Variants in RNF14 observed in about 807,000 individuals in gnomAD.
RNF14 encodes the protein E3 ubiquitin-protein ligase RNF14.
In RNF14, 26 loss-of-function variants were observed where a neutral mutation model predicts 52.6. The observed-to-expected ratio is 0.49, with a 90% confidence interval of 0.36 to 0.69. The LOEUF (loss-of-function observed/expected upper bound fraction) is 0.69, where lower values mean the gene tolerates loss of function less well. Ranked by LOEUF, RNF14 falls within the 30% of genes least tolerant of loss-of-function variation. RNF14 has a pLI of 0.00. For synonymous variants in RNF14, 194 were observed against 202.0 expected (o/e 0.96, Z 0.34); for missense variants, 404 against 560.4 (o/e 0.72, Z 2.82).
At chr5:141,981,851 CAA>C (rs948599356) in intron 6 of RNF14, among the ~76,000 whole-genome samples, 18 of 108,456 alleles carry the variant, frequency 1.7e-4, no homozygotes, top group Non-Finnish European at 2.0e-4. Flanking sequence ...GACCCTGTCT[CAA>C]AAAAAAAAAA....
chr5:141,971,044 C>T (rs914116020), intron 2 of RNF14, among the ~76,000 whole-genome samples, 167 bp downstream of exon 2: 1 of 152,052 alleles, frequency 6.6e-6, no homozygotes, highest in Non-Finnish European at 1.5e-5. Context: ...TAACTTTTTA[C>T]TTATGTACAT....
intron 6 of RNF14, 35 bp downstream of exon 6, chr5:141,980,386 C>A (rs751696146): frequency 3.4e-6 from 5 of 1,481,824 alleles, no homozygotes; most frequent in Non-Finnish European, 4.7e-6. Context: ...CCCCCATCCC[C>A]AGTCTCTCCC....
chr5:141,960,873 T>C (rs1279075443), intron 1 of RNF14, among the ~76,000 whole-genome samples: 2 of 152,086 alleles, frequency 1.3e-5, no homozygotes, highest in Admixed American at 6.5e-5. Flanking sequence ...AGGGGAGCTT[T>C]GATGCAGAAA....
At chr5:141,962,987 G>C (rs780059706), upstream of RNF14, 1 of 152,166 alleles carries the variant, frequency 6.6e-6, no homozygotes, top group Non-Finnish European at 1.5e-5. Context: ...CCATTGCAAA[G>C]GCCAAACTCT....
upstream of RNF14, chr5:141,956,046 G>C: frequency 6.2e-7 from 1 of 1,614,138 alleles, no homozygotes; most frequent in Non-Finnish European, 8.5e-7. Flanking sequence ...GTGTGTCAGT[G>C]CCCGCTGGGC....
chr5:141,984,424 C>A (rs543661601), intron 7 of RNF14, among the ~76,000 whole-genome samples: 2 of 152,188 alleles, frequency 1.3e-5, no homozygotes, highest in African/African-American at 4.8e-5. Context: ...CATACCTTAG[C>A]CCTATGACAG....
upstream of RNF14, chr5:141,956,863 T>C (rs772833843): frequency 3.7e-6 from 6 of 1,614,092 alleles, no homozygotes; most frequent in South Asian, 6.6e-5. Context: ...TGGGATAGGA[T>C]TGGGACCCAG....
chr5:141,965,308 C>G (rs1423325820), upstream of RNF14, among the ~76,000 whole-genome samples: 1 of 152,122 alleles, frequency 6.6e-6, no homozygotes, highest in Admixed American at 6.5e-5. Flanking sequence ...AGTGACAAGC[C>G]ATAGTTTGTG....
intron 4 of RNF14, among the ~76,000 whole-genome samples, chr5:141,977,204 A>G (rs1404707544): frequency 1.3e-5 from 2 of 152,240 alleles, no homozygotes; most frequent in Admixed American, 1.3e-4. Context: ...TATTTATCAC[A>G]TTTTACAGAT....
chr5:141,965,233 C>G (rs990566629), upstream of RNF14, among the ~76,000 whole-genome samples: 4 of 152,172 alleles, frequency 2.6e-5, no homozygotes, highest in Non-Finnish European at 5.9e-5. Context: ...AGTTTCGGGA[C>G]AGCTACCAGA....
chr5:141,968,622 AAG>A (rs1753446130), upstream of RNF14, among the ~76,000 whole-genome samples: 1 of 152,226 alleles, frequency 6.6e-6, no homozygotes, highest in Admixed American at 6.5e-5. Flanking sequence ...GATTACAGTG[AAG>A]ATAGAAAATT....
At chr5:141,986,747 A>C (rs1360350356) in intron 8 of RNF14, among the ~76,000 whole-genome samples, 1 of 152,240 alleles carries the variant, frequency 6.6e-6, no homozygotes, top group Non-Finnish European at 1.5e-5. Flanking sequence ...CAGACACTCT[A>C]AGGATGGGAA....
the RNF14 span, among the ~76,000 whole-genome samples, chr5:141,950,407 G>T: frequency 6.6e-6 from 1 of 152,142 alleles, no homozygotes; most frequent in African/African-American, 2.4e-5. Flanking sequence ...CAAGTGTGTG[G>T]GTGATAATGA....
intron 2 of RNF14, among the ~76,000 whole-genome samples, chr5:141,971,348 C>T (rs981245747): frequency 2.0e-5 from 3 of 151,472 alleles, no homozygotes; most frequent in African/African-American, 2.4e-5. Context: ...CTCAAGCGAT[C>T]CTCCTGCCAC....
Position 141,990,032 on chromosome 5 carries a change from A to G in RNF14, c.*2242A>G, listed in dbSNP as rs2127078186. 6.6e-6 allele frequency: 1 copy of G among 152,278 alleles called. No individual in the cohort carries two copies. Among genetic ancestry groups the G allele is most frequent in the South Asian group, 2.1e-4 (1 of 4,824 alleles). The allele number at this position is 152,278 out of a possible 1,614,324, so 9.4% of individuals were successfully genotyped here. On this transcript the variant is annotated 3_prime_UTR_variant, in exon 9 of 9. Coordinates refer to ENST00000394520, the MANE Select transcript of RNF14 (RefSeq NM_004290.5). ...CAGGTATTTGGTGTTTAGTCTCAAA[A>G]ATTTGTTTGGTCACCTTAGTGATTC...
chr5:141,983,184 CATA>C (rs1236240882), intron 6 of RNF14, among the ~76,000 whole-genome samples, 193 bp from the exon 7 acceptor site: 3 of 152,084 alleles, frequency 2.0e-5, no homozygotes, highest in Admixed American at 1.3e-4. Context: ...CTCTTCCAAA[CATA>C]ATTATTTCCT....
intron 2 of RNF14, among the ~76,000 whole-genome samples, chr5:141,971,816 T>A (rs1209868645): frequency 6.6e-6 from 1 of 150,864 alleles, no homozygotes; most frequent in African/African-American, 2.5e-5. Context: ...CCCGGCTAAT[T>A]TTTTTATTTT....
chr5:141,955,189 C>T, upstream of RNF14: 1 of 1,614,204 alleles, frequency 6.2e-7, no homozygotes, highest in Non-Finnish European at 8.5e-7. The surrounding 1 kb of genome is among the most constrained non-coding windows in gnomAD (Gnocchi z 5.5). Flanking sequence ...AGCCAGCCTC[C>T]CTGTGGGGCT....
chr5:141,953,088 C>G, the RNF14 span: 1 of 152,278 alleles, frequency 6.6e-6, no homozygotes, highest in African/African-American at 2.4e-5. Context: ...TGACAGCTGC[C>G]TTTTCATGAC....
Sources: allele counts gnomAD v4.1 joint callset (sites outside exome capture counted in the v4.1 genomes callset), GRCh38; gene constraint gnomAD v4.1.1; non-coding constraint Gnocchi (gnomAD v3.1); transcripts MANE v1.5; gene names NCBI Gene and HGNC (gene_info 2026-07-23, HGNC 2026-07-21).